Variants in CACNA2D3 observed in about 807,000 individuals in gnomAD.
CACNA2D3 encodes the protein calcium voltage-gated channel auxiliary subunit alpha2delta 3, also known as voltage-dependent calcium channel subunit alpha-2/delta-3.
Under a neutral mutation model 160.6 loss-of-function variants are expected in CACNA2D3, and 60 were observed. That is an observed-to-expected ratio of 0.37 (90% CI 0.30 to 0.46). The LOEUF is 0.46. Among genes scored for constraint, CACNA2D3 ranks in the 20% least tolerant of loss-of-function variants. CACNA2D3 has a pLI of 1.00. For synonymous variants in CACNA2D3, 558 were observed against 492.9 expected, an observed-to-expected ratio of 1.13 and a Z score of -1.75; for missense variants, 1,205 against 1,365.0, an observed-to-expected ratio of 0.88 and a Z score of 1.85.
At chr3:54,230,129 G>GGT (rs34175912) in intron 2 of CACNA2D3, among the ~76,000 whole-genome samples, 1 of 143,466 alleles carries the variant, frequency 7.0e-6, no homozygotes, top group African/African-American at 2.5e-5. Context: ...TCATTTAATT[G>GGT]TTTTTTTTTT....
chr3:54,536,650 A>G (rs1339908503), intron 5 of CACNA2D3, among the ~76,000 whole-genome samples: 3 of 152,202 alleles, frequency 2.0e-5, no homozygotes, highest in Non-Finnish European at 4.4e-5. Context: ...GCCAGTGAAC[A>G]GACTGGCCCT....
intron 2 of CACNA2D3, among the ~76,000 whole-genome samples, chr3:54,144,859 A>G (rs1699996948): frequency 6.6e-6 from 1 of 152,196 alleles, no homozygotes; most frequent in Non-Finnish European, 1.5e-5. Flanking sequence ...TATCATTTTT[A>G]CTGTTTATTC....
At chr3:54,619,577 G>A (rs930069026) in intron 9 of CACNA2D3, among the ~76,000 whole-genome samples, 2 of 152,228 alleles carry the variant, frequency 1.3e-5, no homozygotes, top group Middle Eastern at 3.2e-3. Context: ...AAGGACAAAC[G>A]GGGAATAGCT....
chr3:54,317,389 A>G (rs1267949510), intron 2 of CACNA2D3, among the ~76,000 whole-genome samples: 1 of 152,190 alleles, frequency 6.6e-6, no homozygotes, highest in African/African-American at 2.4e-5. Flanking sequence ...TTACAAGAGA[A>G]GAGTTCTATT....
intron 27 of CACNA2D3, among the ~76,000 whole-genome samples, chr3:54,935,210 A>ATCTAAGTC (rs1183907555): frequency 2.0e-5 from 3 of 152,196 alleles, no homozygotes; most frequent in Non-Finnish European, 4.4e-5. Flanking sequence ...GAGGTAGACC[A>ATCTAAGTC]TCTAAGTCTA....
At chr3:54,419,200 C>T (rs1186741809) in intron 4 of CACNA2D3, among the ~76,000 whole-genome samples, 1 of 152,174 alleles carries the variant, frequency 6.6e-6, no homozygotes, top group African/African-American at 2.4e-5. Flanking sequence ...CTCTTTGGAC[C>T]CTGGTGGCCC....
chr3:54,579,949 A>G lies in CACNA2D3; in HGVS notation c.889-1854A>G, dbSNP rs115855315. Among the ~76,000 whole-genome samples, 1,112 of 152,316 alleles carry G rather than the reference A, an allele frequency of 7.3e-3. 7 individuals are homozygous for G. The highest frequency in any genetic ancestry group is 0.017 in the Middle Eastern group (5 of 294). ...AATACTTTTTATATGACTAAAAGCA[A>G]AGATGAACGAGAGGGCACAAGCCTG... On this transcript the variant is annotated intron_variant, in intron 8 of 37. Transcript: ENST00000474759.
intron 9 of CACNA2D3, among the ~76,000 whole-genome samples, chr3:54,608,840 G>C (rs1353980365): frequency 6.6e-6 from 1 of 152,214 alleles, no homozygotes; most frequent in Non-Finnish European, 1.5e-5. Context: ...AGGCTTGCAG[G>C]GGATAGAGGC....
intron 13 of CACNA2D3, among the ~76,000 whole-genome samples, chr3:54,774,105 G>T (rs889117019): frequency 6.6e-6 from 1 of 152,160 alleles, no homozygotes; most frequent in Admixed American, 6.5e-5. Context: ...CCAGTGCAAA[G>T]TGGGAATGGT....
At position 54,809,054 on chromosome 3, in the gene CACNA2D3, C is replaced by A. The variant is rs1177941923; in HGVS notation, c.1381-7799C>A. Among the ~76,000 whole-genome samples the A allele has an allele frequency of 2.0e-5, 3 of 152,094 alleles. No homozygotes were observed. The South Asian group carries it at 6.2e-4, about 32-fold the overall frequency. ...AAATAATGTTATTACTACTGTTTTACGGATGAGACCTCTAGAGTTCAGAGA... is the reference window on the plus strand; with the variant it reads ...AAATAATGTTATTACTACTGTTTTAAGGATGAGACCTCTAGAGTTCAGAGA... On this transcript the variant is annotated intron_variant, in intron 13 of 37. Transcript: ENST00000474759.
At chr3:54,801,990 T>C (rs577458547) in intron 13 of CACNA2D3, among the ~76,000 whole-genome samples, 1 of 152,302 alleles carries the variant, frequency 6.6e-6, no homozygotes, top group South Asian at 2.1e-4. Context: ...GCAGCAAAAA[T>C]TAGAATGAGG....
chr3:54,695,537 A>T (rs967428482), intron 11 of CACNA2D3, among the ~76,000 whole-genome samples: 2 of 152,276 alleles, frequency 1.3e-5, no homozygotes, highest in Non-Finnish European at 2.9e-5. Flanking sequence ...GGAGAGTTCT[A>T]TTAATGCACA....
At chr3:54,516,627 G>T (rs933765652) in intron 5 of CACNA2D3, among the ~76,000 whole-genome samples, 3 of 152,254 alleles carry the variant, frequency 2.0e-5, no homozygotes, top group African/African-American at 7.2e-5. Context: ...TTTCAGACTG[G>T]AGTGAAAAGT....
At chr3:54,300,465 C>T (rs573940804) in intron 2 of CACNA2D3, among the ~76,000 whole-genome samples, 1 of 152,346 alleles carries the variant, frequency 6.6e-6, no homozygotes, top group African/African-American at 2.4e-5. Context: ...GCTTCTTCGC[C>T]TTCAGGATGT....
intron 3 of CACNA2D3, among the ~76,000 whole-genome samples, chr3:54,349,638 T>A (rs1213465908): frequency 1.3e-5 from 2 of 152,216 alleles, no homozygotes; most frequent in African/African-American, 4.8e-5. Context: ...TTCTTTTTTC[T>A]TTTTAATTAG....
intron 2 of CACNA2D3, among the ~76,000 whole-genome samples, chr3:54,140,741 A>T (rs1176688594): frequency 6.6e-6 from 1 of 152,098 alleles, no homozygotes; most frequent in Non-Finnish European, 1.5e-5. Flanking sequence ...TCATCCAGAG[A>T]ATGTTGGTTC....
chr3:55,041,703 T>C (rs935433540), intron 35 of CACNA2D3, among the ~76,000 whole-genome samples: 1 of 152,084 alleles, frequency 6.6e-6, no homozygotes, highest in South Asian at 2.1e-4. Flanking sequence ...TTTCTTCTAT[T>C]TTCTTTGGGT....
chr3:54,488,667 C>A (rs1419078246), intron 4 of CACNA2D3, among the ~76,000 whole-genome samples: 1 of 152,150 alleles, frequency 6.6e-6, no homozygotes, highest in East Asian at 1.9e-4. Flanking sequence ...TCTTTCTTCG[C>A]ATTCCTTCAA....
intron 13 of CACNA2D3, among the ~76,000 whole-genome samples, chr3:54,802,480 T>C (rs1703014275): frequency 6.6e-6 from 1 of 152,202 alleles, no homozygotes; most frequent in Admixed American, 6.5e-5. Flanking sequence ...TACTCCTGAG[T>C]ATTTTTGAAG....
Sources: allele counts gnomAD v4.1 joint callset (sites outside exome capture counted in the v4.1 genomes callset), GRCh38; gene constraint gnomAD v4.1.1; transcripts MANE v1.5; gene names NCBI Gene and HGNC (gene_info 2026-07-23, HGNC 2026-07-21).